INSL6: variants seen among roughly 807,000 people sequenced by gnomAD.
INSL6 encodes the protein insulin like 6, also known as insulin-like peptide INSL6.
Under a neutral mutation model 9.4 loss-of-function variants are expected in INSL6, and 16 were observed. That is an observed-to-expected ratio of 1.70 (90% confidence interval 1.15 to 2.59). The LOEUF is 2.59. INSL6 is among the 30% of genes most tolerant of loss of function. The pLI is 0.00. For missense variants in INSL6, 391 were observed against 257.3 expected, an observed-to-expected ratio of 1.52 and a Z score of -3.56; for synonymous variants, 154 against 96.9, an observed-to-expected ratio of 1.59 and a Z score of -3.46.
At chr9:5,091,061 CT>C in the INSL6 span, 1 of 574,444 alleles carries the variant, frequency 1.7e-6, no homozygotes, top group South Asian at 2.6e-5. Flanking sequence ...TTTTTTAGGT[CT>C]TATAGTCATG....
At chr9:5,109,911 A>G in the INSL6 span, 1 of 152,202 alleles carries the variant, frequency 6.6e-6, no homozygotes, top group Non-Finnish European at 1.5e-5. Context: ...TATAGGAATC[A>G]TGTCTTTCTT....
intron 2 of INSL6, among the ~76,000 whole-genome samples, chr9:5,152,868 T>C (rs891580387): frequency 2.0e-5 from 3 of 152,136 alleles, no homozygotes; most frequent in Admixed American, 6.5e-5. Context: ...TCATTGGGAC[T>C]GGTTAGAGAG....
the INSL6 span, chr9:5,077,551 A>G: frequency 6.7e-7 from 1 of 1,495,338 alleles, no homozygotes; most frequent in East Asian, 2.6e-5. Context: ...TGAAGTTGCT[A>G]AACAGTTGGC....
intron 1 of INSL6, among the ~76,000 whole-genome samples, chr9:5,184,798 G>A (rs1825532196): frequency 6.6e-6 from 1 of 152,196 alleles, no homozygotes; most frequent in South Asian, 2.1e-4. Flanking sequence ...GGACAAGTAA[G>A]GAAAACAGTT....
chr9:5,130,709 T>A (rs895998071), intron 3 of INSL6, among the ~76,000 whole-genome samples: 37 of 148,406 alleles, frequency 2.5e-4, no homozygotes, highest in Admixed American at 8.6e-4. Flanking sequence ...TTCTTTTTTT[T>A]ATTTTTTTTA....
the INSL6 span, among the ~76,000 whole-genome samples, chr9:5,117,401 G>T: frequency 6.6e-6 from 1 of 152,204 alleles, no homozygotes; most frequent in African/African-American, 2.4e-5. Flanking sequence ...TTTTGTTATA[G>T]AACAGCAGTT....
chr9:5,042,650 C>T, the INSL6 span, among the ~76,000 whole-genome samples: 3 of 152,194 alleles, frequency 2.0e-5, no homozygotes, highest in Non-Finnish European at 4.4e-5. Flanking sequence ...TTGTCTCCCT[C>T]ATCCAAAGGC....
At chr9:5,041,776 AG>A in the INSL6 span, 1 of 488,102 alleles carries the variant, frequency 2.0e-6, no homozygotes, top group Admixed American at 2.3e-5. Context: ...CTGCCCTCCC[AG>A]CCTCAGCTTC....
At chr9:5,020,336 C>T in the INSL6 span, among the ~76,000 whole-genome samples, 2 of 152,118 alleles carry the variant, frequency 1.3e-5, no homozygotes, top group Non-Finnish European at 2.9e-5. Flanking sequence ...ATCCCAAGGC[C>T]CCCAGATAAC....
chr9:5,001,240 A>G, the INSL6 span, among the ~76,000 whole-genome samples: 1 of 152,152 alleles, frequency 6.6e-6, no homozygotes, highest in Non-Finnish European at 1.5e-5. Context: ...TTGAATAGAA[A>G]TGGTGGTGGT....
the INSL6 span, chr9:5,091,399 G>A: frequency 6.6e-6 from 1 of 152,654 alleles, no homozygotes; most frequent in East Asian, 1.9e-4. Flanking sequence ...GTTGATACTG[G>A]TTTGGTGAAT....
At chr9:5,105,974 A>G in the INSL6 span, among the ~76,000 whole-genome samples, 4 of 152,366 alleles carry the variant, frequency 2.6e-5, no homozygotes, top group Non-Finnish European at 4.4e-5. Context: ...AAGAAAGCCT[A>G]GGCAATACCA....
chr9:5,116,386 G>A, the INSL6 span, among the ~76,000 whole-genome samples: 7 of 152,116 alleles, frequency 4.6e-5, no homozygotes, highest in African/African-American at 1.4e-4. Flanking sequence ...TACTTTTTGA[G>A]GAAATGTCGT....
At chr9:5,174,357 T>G (rs1379290650) in intron 1 of INSL6, among the ~76,000 whole-genome samples, 1 of 152,200 alleles carries the variant, frequency 6.6e-6, no homozygotes, top group Non-Finnish European at 1.5e-5. Flanking sequence ...GACTTTCATT[T>G]CATCACTCTA....
At chr9:5,044,301 A>G in the INSL6 span, 1 of 721,714 alleles carries the variant, frequency 1.4e-6, no homozygotes, top group Admixed American at 2.4e-5. Context: ...TTTTCTAAGT[A>G]TGGGATAATA....
At chr9:5,073,633 A>G in the INSL6 span, 3 of 1,175,620 alleles carry the variant, frequency 2.6e-6, no homozygotes, top group African/African-American at 1.5e-5. Flanking sequence ...TGGCAGAGAG[A>G]ATTTTCTGAA....
At chr9:5,156,790 A>C (rs899822910) in intron 2 of INSL6, among the ~76,000 whole-genome samples, 15 of 152,226 alleles carry the variant, frequency 9.9e-5, no homozygotes, top group Admixed American at 5.2e-4. Flanking sequence ...CAATCTAATG[A>C]AATATTAACA....
the INSL6 span, chr9:5,080,156 A>C: frequency 3.6e-5 from 42 of 1,160,846 alleles, no homozygotes; most frequent in Non-Finnish European, 5.0e-5. Context: ...TTTGAACTTT[A>C]AAGCTATTTA....
At chr9:5,006,779 T>A in the INSL6 span, among the ~76,000 whole-genome samples, 2 of 152,202 alleles carry the variant, frequency 1.3e-5, no homozygotes, top group Non-Finnish European at 2.9e-5. Context: ...ACACTGAAGA[T>A]CATAATTCAA....
Sources: allele counts gnomAD v4.1 joint callset (sites outside exome capture counted in the v4.1 genomes callset), GRCh38; gene constraint gnomAD v4.1.1; transcripts MANE v1.5; gene names NCBI Gene and HGNC (gene_info 2026-07-23, HGNC 2026-07-21).